Variants in CLECL1 observed in about 807,000 individuals in gnomAD.
CLECL1 encodes the protein C-type lectin-like domain family 1.
At chr12:9,723,418 T>C (rs1444388692) in intron 3 of CLECL1, among the ~76,000 whole-genome samples, 2 of 132,924 alleles carry the variant, frequency 1.5e-5, no homozygotes, top group East Asian at 2.2e-4. Flanking sequence ...TAAATAAATA[T>C]TCTTTACACA....
chr12:9,714,288 T>G (rs1031444804), downstream of CLECL1, among the ~76,000 whole-genome samples: 1 of 152,184 alleles, frequency 6.6e-6, no homozygotes, highest in African/African-American at 2.4e-5. Flanking sequence ...CTATGCTTCT[T>G]TTTTCACGGG....
At chr12:9,712,236 C>G (rs1453937919), downstream of CLECL1, among the ~76,000 whole-genome samples, 1 of 152,176 alleles carries the variant, frequency 6.6e-6, no homozygotes, top group East Asian at 1.9e-4. Context: ...GTCTCCTCAT[C>G]CCCATAGTCT....
At chr12:9,719,689 ACT>A (rs948516622), downstream of CLECL1, among the ~76,000 whole-genome samples, 1 of 152,176 alleles carries the variant, frequency 6.6e-6, no homozygotes, top group African/African-American at 2.4e-5. Flanking sequence ...TAATCACATC[ACT>A]GCAGACAGCC....
chr12:9,709,346 C>G, the CLECL1 span: 1 of 152,346 alleles, frequency 6.6e-6, no homozygotes, highest in African/African-American at 2.4e-5. Context: ...CTCACTTGCC[C>G]CCTCCTAGAA....
chr12:9,712,476 G>A (rs1292559003), downstream of CLECL1, among the ~76,000 whole-genome samples: 2 of 152,174 alleles, frequency 1.3e-5, no homozygotes, highest in East Asian at 3.8e-4. Context: ...AGCCAAGCAT[G>A]AACAATGCAA....
downstream of CLECL1, among the ~76,000 whole-genome samples, chr12:9,712,472 G>A (rs1866206652): frequency 6.6e-6 from 1 of 152,138 alleles, no homozygotes; most frequent in Non-Finnish European, 1.5e-5. Context: ...CTTTAGCCAA[G>A]CATGAACAAT....
chr12:9,731,183 C>A (rs1866442790), intron 1 of CLECL1, among the ~76,000 whole-genome samples: 1 of 152,218 alleles, frequency 6.6e-6, no homozygotes, highest in African/African-American at 2.4e-5. Context: ...TCCTGCTAAG[C>A]TTCCTGATGA....
At chr12:9,703,750 A>G in the CLECL1 span, among the ~76,000 whole-genome samples, 2 of 152,094 alleles carry the variant, frequency 1.3e-5, no homozygotes, top group Non-Finnish European at 2.9e-5. Flanking sequence ...ATATATATGT[A>G]TACATATTTG....
At chr12:9,730,111 A>T (rs749878615) in intron 1 of CLECL1, among the ~76,000 whole-genome samples, 10 of 152,196 alleles carry the variant, frequency 6.6e-5, no homozygotes, top group Non-Finnish European at 1.0e-4. Context: ...ACATAAAAGA[A>T]ATGTTAGAGA....
upstream of CLECL1, chr12:9,733,063 A>G (rs201053431): frequency 6.5e-5 from 105 of 1,613,932 alleles, no homozygotes; most frequent in Non-Finnish European, 4.0e-5. Flanking sequence ...AAGACCACAA[A>G]TGATGTCCCA....
chr12:9,730,298 A>G (rs1290094199), intron 1 of CLECL1, among the ~76,000 whole-genome samples: 5 of 152,212 alleles, frequency 3.3e-5, no homozygotes, highest in Non-Finnish European at 5.9e-5. Flanking sequence ...TAAATAAACC[A>G]AATAAAAGAA....
upstream of CLECL1, among the ~76,000 whole-genome samples, chr12:9,734,337 ACT>A (rs1241048775): frequency 6.6e-6 from 1 of 151,732 alleles, no homozygotes; most frequent in Non-Finnish European, 1.5e-5. Context: ...ACTGCATGAC[ACT>A]CTCTCCCTTT....
intron 3 of CLECL1, among the ~76,000 whole-genome samples, chr12:9,726,423 C>A (rs1413557273): frequency 4.6e-5 from 7 of 151,734 alleles, no homozygotes; most frequent in Non-Finnish European, 1.0e-4. Context: ...AAAGATATAT[C>A]TGAAAATATT....
At chr12:9,726,912 A>G (rs1866386832) in intron 3 of CLECL1, among the ~76,000 whole-genome samples, 1 of 151,862 alleles carries the variant, frequency 6.6e-6, no homozygotes, top group Non-Finnish European at 1.5e-5. Context: ...GGGAACATCA[A>G]AGTTCCCAAA....
the CLECL1 span, among the ~76,000 whole-genome samples, chr12:9,706,240 C>T: frequency 6.6e-6 from 1 of 152,194 alleles, no homozygotes; most frequent in Admixed American, 6.5e-5. Flanking sequence ...TGCTTCTCAG[C>T]TTAAGAAGCT....
downstream of CLECL1, among the ~76,000 whole-genome samples, chr12:9,719,398 C>T (rs1208405995): frequency 2.6e-5 from 4 of 152,098 alleles, no homozygotes; most frequent in East Asian, 1.9e-4. Context: ...TGGTGGCGGG[C>T]GCCTGTAGTC....
the CLECL1 span, among the ~76,000 whole-genome samples, chr12:9,702,691 A>G: frequency 6.6e-6 from 1 of 152,220 alleles, no homozygotes; most frequent in Non-Finnish European, 1.5e-5. Context: ...TGCTTCTCTC[A>G]GAGCAAACCC....
chr12:9,717,048 C>T (rs1485907874), intron 2 of CLECL1, among the ~76,000 whole-genome samples: 1 of 152,208 alleles, frequency 6.6e-6, no homozygotes, highest in Non-Finnish European at 1.5e-5. Context: ...CATCCCTCTA[C>T]CCAGCAAGTC....
chr12:9,715,270 T>G (rs1419672427), downstream of CLECL1, among the ~76,000 whole-genome samples: 1 of 152,234 alleles, frequency 6.6e-6, no homozygotes, highest in East Asian at 1.9e-4. Context: ...CTATGCTGTT[T>G]ACTATTAATA....
Sources: allele counts gnomAD v4.1 joint callset (sites outside exome capture counted in the v4.1 genomes callset), GRCh38; gene constraint gnomAD v4.1.1; transcripts MANE v1.5; gene names NCBI Gene and HGNC (gene_info 2026-07-23, HGNC 2026-07-21).